Variants in MYCT1 observed in about 807,000 individuals in gnomAD.
MYCT1 encodes MYC target 1.
MYCT1 carries 12 observed loss-of-function variants against 15.0 expected under a neutral mutation model. The observed-to-expected ratio is 0.80, with a 90% CI of 0.51 to 1.29. The LOEUF (loss-of-function observed/expected upper bound fraction) is 1.29, where lower values mean the gene tolerates loss of function less well. MYCT1 is among the 50% of genes most tolerant of loss of function. MYCT1 has a pLI of 0.00. For synonymous variants in MYCT1, 104 were observed against 102.7 expected (o/e 1.01, Z -0.07); for missense variants, 287 against 279.1 (o/e 1.03, Z -0.20).
At chr6:152,713,000 A>C (rs1376727171) in intron 1 of MYCT1, among the ~76,000 whole-genome samples, 2 of 151,970 alleles carry the variant, frequency 1.3e-5, no homozygotes, top group Non-Finnish European at 2.9e-5. Flanking sequence ...TTTTAGCTCC[A>C]TCCACCCTTT....
At chr6:152,705,940 A>G in intron 1 of MYCT1, 1 of 773,846 alleles carries the variant, frequency 1.3e-6, no homozygotes, top group Non-Finnish European at 2.4e-6. Context: ...GATTTTGTGA[A>G]TATGGTGGAA....
At chr6:152,706,847 A>ATGTGTGTGTGTGTGTGTGTGTGTGTG (rs4034690) in intron 1 of MYCT1, among the ~76,000 whole-genome samples, 1 of 148,196 alleles carries the variant, frequency 6.7e-6, no homozygotes, top group African/African-American at 2.5e-5. Context: ...GAAACCATAT[A>ATGTGTGTGTGTGTGTGTGTGTGTGTG]TGTGTGTGTG....
intron 1 of MYCT1, among the ~76,000 whole-genome samples, chr6:152,715,943 T>C (rs1316109811): frequency 6.6e-6 from 1 of 152,196 alleles, no homozygotes; most frequent in Non-Finnish European, 1.5e-5. Context: ...CTTAGGCATT[T>C]GTTTTTACTC....
In MYCT1 at chr6:152,724,503, A is replaced by G. The variant is rs2099725277; in HGVS notation, c.*2250A>G. ...TGTGAAATTAAAGCAAAAACTGGAGACTTTTAATGTATTTCTTTAATTTGA... is the reference window on the plus strand; with the variant it reads ...TGTGAAATTAAAGCAAAAACTGGAGGCTTTTAATGTATTTCTTTAATTTGA... On this transcript the variant is annotated 3_prime_UTR_variant, in exon 2 of 2. Coordinates refer to ENST00000367245, the MANE Select transcript of MYCT1 (RefSeq NM_025107.3). 1.3e-5 allele frequency: 2 copies of G among 152,118 alleles called. No homozygotes were observed. The highest frequency in any genetic ancestry group is 4.8e-5 in the African/African-American group (2 of 41,432). 9.4% of individuals were successfully genotyped at this position (152,118 alleles called of 1,614,324 possible). A position where few individuals can be genotyped will look rare whatever the true frequency, so the allele number is the denominator to read the frequency against.
the MYCT1 span, among the ~76,000 whole-genome samples, chr6:152,732,152 G>A: frequency 6.6e-6 from 1 of 152,012 alleles, no homozygotes; most frequent in Non-Finnish European, 1.5e-5. Flanking sequence ...TTTTATATTT[G>A]CTTTTGTTTG....
intron 1 of MYCT1, among the ~76,000 whole-genome samples, chr6:152,720,245 G>A (rs1396342034): frequency 1.3e-5 from 2 of 151,980 alleles, no homozygotes; most frequent in African/African-American, 4.8e-5. Flanking sequence ...CAATGGCAGG[G>A]GTCCCAAGAG....
chr6:152,734,762 C>G, the MYCT1 span, among the ~76,000 whole-genome samples: 1 of 151,982 alleles, frequency 6.6e-6, no homozygotes, highest in Non-Finnish European at 1.5e-5. Flanking sequence ...CGTTATCTTC[C>G]TGAATGATCT....
intron 1 of MYCT1, among the ~76,000 whole-genome samples, chr6:152,719,528 T>C (rs2099724312): frequency 6.6e-6 from 1 of 152,212 alleles, no homozygotes; most frequent in Non-Finnish European, 1.5e-5. Context: ...TGTTTGAGGA[T>C]TAAGTGATAT....
chr6:152,732,775 C>G, the MYCT1 span, among the ~76,000 whole-genome samples: 1 of 152,146 alleles, frequency 6.6e-6, no homozygotes, highest in Non-Finnish European at 1.5e-5. Context: ...GAAAATGGGA[C>G]AGAAAGAGAT....
the MYCT1 span, among the ~76,000 whole-genome samples, chr6:152,746,826 A>G: frequency 6.6e-6 from 1 of 152,204 alleles, no homozygotes. Context: ...TGAAGCAAAA[A>G]AATTCTGAGA....
chr6:152,740,793 GTATT>G, the MYCT1 span, among the ~76,000 whole-genome samples: 7 of 151,938 alleles, frequency 4.6e-5, no homozygotes, highest in Non-Finnish European at 1.0e-4. Context: ...AATTTACAGC[GTATT>G]TAGTTATATT....
chr6:152,738,498 A>G, the MYCT1 span, among the ~76,000 whole-genome samples: 4 of 152,196 alleles, frequency 2.6e-5, no homozygotes, highest in South Asian at 8.3e-4. Flanking sequence ...TTCACTGTCC[A>G]TTAATGGAAT....
At position 152,721,992 on chromosome 6, in the gene MYCT1, C is replaced by T. The variant is rs757821329; in HGVS notation, c.447C>T (p.Ser149=). The change falls in exon 2 of 2, where the codon TCC becomes TCT. Residue 149 remains serine (S), a synonymous_variant. Coordinates refer to ENST00000367245, the MANE Select transcript of MYCT1 (RefSeq NM_025107.3). ...GTCTCACCTTCCAGCGACAAGCTTCCCTGGAACAAGCAAATTCCTTTCCAA... is the reference window on the plus strand; with the variant it reads ...GTCTCACCTTCCAGCGACAAGCTTCTCTGGAACAAGCAAATTCCTTTCCAA... ...LASLTFQRQA[S]LEQANSFPRK... 6.2e-7 allele frequency: 1 copy of T among 1,614,144 alleles called. No homozygotes were observed. Among genetic ancestry groups the T allele is most frequent in the South Asian group, 1.1e-5 (1 of 91,076 alleles).
At chr6:152,712,774 G>A (rs999485121) in intron 1 of MYCT1, among the ~76,000 whole-genome samples, 4 of 152,078 alleles carry the variant, frequency 2.6e-5, no homozygotes, top group African/African-American at 9.7e-5. Flanking sequence ...TTAAAAGTGA[G>A]TATTTAAATA....
rs1029839292 is a variant in MYCT1 at position 152,724,240 on chromosome 6, T to TC, written c.*1987_*1988insC. Reference sequence around the variant, plus strand: ...AACTTGGTATCAGGGCTACTTTTTTTTTTTTTTTTTTACTTGCATGTCATC... The same window carrying TC: ...AACTTGGTATCAGGGCTACTTTTTTTCTTTTTTTTTTTACTTGCATGTCATC... On this transcript the variant is annotated 3_prime_UTR_variant, in exon 2 of 2. Transcript: ENST00000367245. The TC allele has an allele frequency of 1.3e-5, 2 of 151,686 alleles. No individual in the cohort carries two copies. Among genetic ancestry groups the TC allele is most frequent in the African/African-American group, 2.4e-5 (1 of 41,322 alleles). 9.4% of individuals were successfully genotyped at this position (151,686 alleles called of 1,614,324 possible).
At chr6:152,728,897 C>A (rs1383142594), downstream of MYCT1, among the ~76,000 whole-genome samples, 2 of 152,006 alleles carry the variant, frequency 1.3e-5, 1 homozygote, top group East Asian at 3.9e-4. Context: ...CAGAGTGAGA[C>A]CCTGTCTCAA....
chr6:152,743,122 C>T, the MYCT1 span, among the ~76,000 whole-genome samples: 1 of 152,266 alleles, frequency 6.6e-6, no homozygotes, highest in African/African-American at 2.4e-5. Flanking sequence ...GTCACATGAT[C>T]TCAGCTCACT....
chr6:152,735,505 A>G, the MYCT1 span, among the ~76,000 whole-genome samples: 1 of 152,124 alleles, frequency 6.6e-6, no homozygotes, highest in Non-Finnish European at 1.5e-5. Flanking sequence ...CACTACATTT[A>G]TATTAAACAT....
the MYCT1 span, among the ~76,000 whole-genome samples, chr6:152,742,811 G>C: frequency 1.3e-5 from 2 of 152,054 alleles, no homozygotes; most frequent in Non-Finnish European, 1.5e-5. Flanking sequence ...ATTGATACCT[G>C]TTTATACACA....
Sources: allele counts gnomAD v4.1 joint callset (sites outside exome capture counted in the v4.1 genomes callset), GRCh38; gene constraint gnomAD v4.1.1; transcripts MANE v1.5; gene names NCBI Gene and HGNC (gene_info 2026-07-23, HGNC 2026-07-21).